ZNF536: variants seen among roughly 807,000 people sequenced by gnomAD.
ZNF536 encodes the protein zinc finger protein 536.
In ZNF536, 13 loss-of-function variants were observed where a neutral mutation model predicts 84.5. That is an observed-to-expected ratio of 0.15 (90% CI 0.10 to 0.24). ZNF536 has a LOEUF of 0.24. Among genes scored for constraint, ZNF536 ranks in the 10% least tolerant of loss-of-function variants. The pLI, the probability that ZNF536 is intolerant of heterozygous loss-of-function variation, is 1.00. For synonymous variants in ZNF536, 811 were observed against 742.5 expected (o/e 1.09, Z -1.50); for missense variants, 1,536 against 1,747.5 (o/e 0.88, Z 2.16).
At chr19:30,553,072 G>A (rs962476768) in intron 4 of ZNF536, among the ~76,000 whole-genome samples, 1 of 152,176 alleles carries the variant, frequency 6.6e-6, no homozygotes, top group African/African-American at 2.4e-5. Context: ...TTCTGTCAAA[G>A]AGCATAATGT....
chr19:30,629,230 A>T (rs758710058), intron 1 of ZNF536, among the ~76,000 whole-genome samples: 1 of 149,792 alleles, frequency 6.7e-6, no homozygotes, highest in African/African-American at 2.5e-5. Context: ...ACAGAGTCTT[A>T]CTCTGTCTCC....
In ZNF536 at chr19:30,444,395, T is replaced by C. The variant is rs2148182061; in HGVS notation, c.833T>C (p.Phe278Ser). 1.2e-6 allele frequency: 2 copies of C among 1,606,966 alleles called. No homozygotes were observed. Among genetic ancestry groups the C allele is most frequent in the Non-Finnish European group, 1.7e-6 (2 of 1,179,746 alleles). The change falls in exon 2 of 5, where the codon TTC becomes TCC. Residue 278 changes from phenylalanine (F) to serine (S), a missense_variant. Phe to Ser is a radical substitution (Grantham distance 155). Around this residue, in one of 8 missense-constraint regions of ZNF536, gnomAD observed 61 missense variants for 104.0 expected, o/e 0.59. Coordinates refer to ENST00000355537, the MANE Select transcript of ZNF536 (RefSeq NM_014717.3). Reference sequence around the variant, plus strand: ...CCGGCGGCGGGCTTCCGCTGTACCTTCTGCAAGGGCAAGTTCAAGAAGCGC... The same window carrying C: ...CCGGCGGCGGGCTTCCGCTGTACCTCCTGCAAGGGCAAGTTCAAGAAGCGC... ...VAPAAGFRCT[F>S]CKGKFKKREE...
intron 1 of ZNF536, among the ~76,000 whole-genome samples, chr19:30,409,453 T>A (rs1164710968): frequency 6.6e-6 from 1 of 152,212 alleles, no homozygotes; most frequent in Non-Finnish European, 1.5e-5. Flanking sequence ...CTGGCCCCCC[T>A]GCTCCCAGCT....
At chr19:30,605,096 CT>C (rs2047821475) in intron 1 of ZNF536, among the ~76,000 whole-genome samples, 1 of 152,192 alleles carries the variant, frequency 6.6e-6, no homozygotes, top group Non-Finnish European at 1.5e-5. Context: ...TCAGTCTCCG[CT>C]GGAGGAACTC....
chr19:30,400,140 T>C (rs1341346485), intron 1 of ZNF536, among the ~76,000 whole-genome samples: 1 of 152,216 alleles, frequency 6.6e-6, no homozygotes, highest in South Asian at 2.1e-4. Context: ...GTAGGACTTT[T>C]TTTTTTTTCC....
chr19:30,701,412 CA>C (rs965809317), intron 1 of ZNF536, among the ~76,000 whole-genome samples: 14 of 151,456 alleles, frequency 9.2e-5, no homozygotes, highest in African/African-American at 3.2e-4. Context: ...CACACAGACA[CA>C]AAAACACACA....
rs148743766 is a variant in ZNF536 at position 30,303,484 on chromosome 19, G to C, written c.-120+19343G>C. 4.0e-5 allele frequency among the ~76,000 whole-genome samples: 6 copies of C among 151,578 alleles called. 1 individual carries two copies. Among genetic ancestry groups the C allele is most frequent in the Middle Eastern group, 7.0e-3 (2 of 286 alleles). ...GGGTTGTTTCCTGAAAGGGAATCAGGTTCCCTGTTTGCTTTTTGACACTTT... is the reference window on the plus strand; with the variant it reads ...GGGTTGTTTCCTGAAAGGGAATCAGCTTCCCTGTTTGCTTTTTGACACTTT... On this transcript the variant is annotated intron_variant, in intron 2 of 5. Coordinates refer to the ZNF536 transcript ENST00000585628.
intron 1 of ZNF536, among the ~76,000 whole-genome samples, chr19:30,682,972 T>A (rs921104227): frequency 6.6e-6 from 1 of 152,258 alleles, no homozygotes; most frequent in East Asian, 1.9e-4. Context: ...ATGCGAGCTA[T>A]GATAACTGTA....
intron 1 of ZNF536, among the ~76,000 whole-genome samples, chr19:30,394,498 C>T (rs1231595832): frequency 6.6e-6 from 1 of 152,144 alleles, no homozygotes; most frequent in African/African-American, 2.4e-5. Flanking sequence ...TAGGACTGGG[C>T]CAGGTGCATC....
At chr19:30,466,011 A>G (rs1221444557) in intron 2 of ZNF536, among the ~76,000 whole-genome samples, 2 of 152,024 alleles carry the variant, frequency 1.3e-5, no homozygotes, top group Non-Finnish European at 2.9e-5. Flanking sequence ...CGGCCTCCCA[A>G]AATGCTGGGA....
intron 1 of ZNF536, among the ~76,000 whole-genome samples, chr19:30,265,696 C>G (rs766770690): frequency 3.6e-4 from 55 of 152,096 alleles, no homozygotes; most frequent in Non-Finnish European, 7.2e-4. Flanking sequence ...GATATAGAAG[C>G]TGCCTTTTTT....
chr19:30,681,409 G>A (rs960469668), intron 1 of ZNF536, among the ~76,000 whole-genome samples: 1 of 152,180 alleles, frequency 6.6e-6, no homozygotes, highest in Non-Finnish European at 1.5e-5. Flanking sequence ...ATCACAGGGG[G>A]CTTCCTGGAG....
intron 1 of ZNF536, among the ~76,000 whole-genome samples, chr19:30,690,333 G>A (rs2051357764): frequency 1.3e-5 from 2 of 152,128 alleles, no homozygotes; most frequent in Admixed American, 1.3e-4. Flanking sequence ...GGCCTTCTGA[G>A]GATGGGAGGG....
At chr19:30,606,230 A>AAC (rs1568596861) in intron 1 of ZNF536, among the ~76,000 whole-genome samples, 1 of 74,700 alleles carries the variant, frequency 1.3e-5, no homozygotes, top group East Asian at 4.7e-4. Context: ...AAAATAAAAT[A>AAC]ATAAAATAAA....
chr19:30,623,318 T>A (rs1382217252), intron 1 of ZNF536, among the ~76,000 whole-genome samples: 3 of 152,214 alleles, frequency 2.0e-5, no homozygotes, highest in African/African-American at 4.8e-5. Flanking sequence ...TGGGTACTAT[T>A]TTCAGCACAG....
At chr19:30,270,728 A>G (rs1410396505) in intron 1 of ZNF536, among the ~76,000 whole-genome samples, 2 of 150,462 alleles carry the variant, frequency 1.3e-5, no homozygotes, top group Non-Finnish European at 2.9e-5. Context: ...CACAAATTAC[A>G]TGGTAGCTGG....
intron 2 of ZNF536, among the ~76,000 whole-genome samples, chr19:30,349,601 C>T (rs980109628): frequency 1.3e-5 from 2 of 152,032 alleles, no homozygotes; most frequent in Admixed American, 6.6e-5. Flanking sequence ...AGTGTACACT[C>T]GAGAAGAACT....
intron 3 of ZNF536, among the ~76,000 whole-genome samples, chr19:30,359,597 C>T (rs1204789324): frequency 6.6e-6 from 1 of 152,120 alleles, no homozygotes; most frequent in Non-Finnish European, 1.5e-5. Context: ...CTCCCCGGCA[C>T]CTGAGTTACA....
chr19:30,612,048 G>A (rs2048123167), intron 1 of ZNF536, among the ~76,000 whole-genome samples: 1 of 152,168 alleles, frequency 6.6e-6, no homozygotes, highest in Non-Finnish European at 1.5e-5. Context: ...GTGAGGATGG[G>A]TCTTGTGTCC....
Sources: gnomAD v4.1 joint callset for allele counts (sites outside exome capture counted in the v4.1 genomes callset) on GRCh38, gnomAD v4.1.1 for gene constraint, gnomAD v4.1.1 regional missense constraint, MANE v1.5 for transcripts, NCBI Gene and HGNC (gene_info 2026-07-23, HGNC 2026-07-21) for gene names.